DIPK1A: variants seen among roughly 807,000 people sequenced by gnomAD.
The protein encoded by DIPK1A is family with sequence similarity 69 member A.
Under a neutral mutation model 40.8 loss-of-function variants are expected in DIPK1A, and 27 were observed. The observed-to-expected ratio is 0.66, with a 90% CI of 0.49 to 0.91. DIPK1A has a LOEUF of 0.91. Among genes scored for constraint, DIPK1A ranks in the 40% least tolerant of loss-of-function variants. DIPK1A has a pLI of 0.00. For synonymous variants in DIPK1A, 166 were observed against 171.3 expected, an observed-to-expected ratio of 0.97 and a Z score of 0.24; for missense variants, 412 against 505.7, an observed-to-expected ratio of 0.81 and a Z score of 1.78.
chr1:92,879,091 G>A (rs1648259529), intron 1 of DIPK1A, among the ~76,000 whole-genome samples: 1 of 150,496 alleles, frequency 6.6e-6, no homozygotes, highest in Non-Finnish European at 1.5e-5. Context: ...AGGGTGAGAG[G>A]ATTGCTTGAG....
intron 4 of DIPK1A, chr1:92,834,791 C>A: frequency 6.2e-7 from 1 of 1,613,172 alleles, no homozygotes; most frequent in African/African-American, 1.3e-5. Context: ...TGCTTATGCC[C>A]GTATAGAGGG....
At chr1:92,941,983 C>CT (rs200959563) in intron 1 of DIPK1A, among the ~76,000 whole-genome samples, 3,432 of 148,918 alleles carry the variant, frequency 0.023, 113 homozygotes, top group African/African-American at 0.074. Flanking sequence ...GAGGGAGACT[C>CT]TGTCTCAAAA....
chr1:92,933,175 C>G (rs1557491043), intron 1 of DIPK1A: 1 of 151,618 alleles, frequency 6.6e-6, no homozygotes, highest in Non-Finnish European at 1.5e-5. Flanking sequence ...AACAAAAACC[C>G]CCAAAACCCA....
chr1:92,850,999 AC>A, intron 2 of DIPK1A, 44 bp from the exon 3 acceptor site: 1 of 1,244,872 alleles, frequency 8.0e-7, no homozygotes. Context: ...AAAAATATTC[AC>A]AAGAAGAAGC....
chr1:92,859,644 T>C (rs1405528876), intron 2 of DIPK1A, among the ~76,000 whole-genome samples: 2 of 152,212 alleles, frequency 1.3e-5, no homozygotes, highest in African/African-American at 2.4e-5. Flanking sequence ...TCTCCTTACT[T>C]TGATCAAGAT....
chr1:92,954,307 A>AAAT (rs1553136009), intron 1 of DIPK1A, among the ~76,000 whole-genome samples: 392 of 147,778 alleles, frequency 2.7e-3, no homozygotes, highest in Admixed American at 4.8e-3. Flanking sequence ...CACAAAAAAA[A>AAAT]AAATAAATAA....
At chr1:92,880,146 AG>A in intron 1 of DIPK1A, among the ~76,000 whole-genome samples, 1 of 152,354 alleles carries the variant, frequency 6.6e-6, no homozygotes, top group Non-Finnish European at 1.5e-5. Context: ...TGTACAATGT[AG>A]CCCCCCACAG....
intron 1 of DIPK1A, among the ~76,000 whole-genome samples, chr1:92,912,526 G>C (rs774315503): frequency 2.6e-5 from 4 of 151,976 alleles, no homozygotes; most frequent in Non-Finnish European, 5.9e-5. Context: ...TGAATATATA[G>C]GTGTAATTTT....
intron 1 of DIPK1A, among the ~76,000 whole-genome samples, chr1:92,959,834 G>A (rs1347481907): frequency 6.8e-6 from 1 of 148,090 alleles, no homozygotes; most frequent in African/African-American, 2.5e-5. Context: ...TGCAATCTCC[G>A]CTCCGGGGCT....
At chr1:92,939,367 G>A (rs1226440841) in intron 1 of DIPK1A, among the ~76,000 whole-genome samples, 1 of 151,980 alleles carries the variant, frequency 6.6e-6, no homozygotes, top group East Asian at 1.9e-4. Flanking sequence ...CTAGCTATAG[G>A]CCATTTTTGC....
intron 1 of DIPK1A, among the ~76,000 whole-genome samples, chr1:92,923,965 T>C (rs893494361): frequency 3.3e-5 from 5 of 152,222 alleles, no homozygotes; most frequent in African/African-American, 1.2e-4. Context: ...CCATGGAAAG[T>C]CTATCTCTAA....
At chr1:92,935,570 C>T (rs1347491146) in intron 1 of DIPK1A, among the ~76,000 whole-genome samples, 1 of 152,152 alleles carries the variant, frequency 6.6e-6, no homozygotes, top group Admixed American at 6.5e-5. Flanking sequence ...ATCCCTGCTA[C>T]TGACTAGCTG....
chr1:92,955,407 T>C (rs1651810693), intron 1 of DIPK1A, among the ~76,000 whole-genome samples: 1 of 151,976 alleles, frequency 6.6e-6, no homozygotes, highest in Non-Finnish European at 1.5e-5. Context: ...ATGTTAAATA[T>C]AGGGGAGGGG....
chr1:92,868,021 C>T (rs1647641097), intron 2 of DIPK1A, among the ~76,000 whole-genome samples: 2 of 152,116 alleles, frequency 1.3e-5, no homozygotes, highest in South Asian at 2.1e-4. Flanking sequence ...CTATGTTCAA[C>T]GGATATGTCA....
At chr1:92,919,922 C>CTTATCAAATAAAACTTATCAAA in intron 1 of DIPK1A, among the ~76,000 whole-genome samples, 1 of 152,324 alleles carries the variant, frequency 6.6e-6, no homozygotes, top group South Asian at 2.1e-4. Context: ...AAATGGAAAA[C>CTTATCAAATAAAACTTATCAAA]TGCCATTAAT....
rs1164611870 is a variant in DIPK1A, at chr1:92,861,353, G to A, written c.190-10398C>T. ...TTTTTTTTTTTTTTTTTGAGACAGG[G>A]TCTCACTCTGTCACCCAGGCTGGAG... On this transcript the variant is annotated intron_variant, in intron 2 of 4. Coordinates refer to ENST00000370310, the MANE Select transcript of DIPK1A (RefSeq NM_001006605.5). Among the ~76,000 whole-genome samples the A allele has an allele frequency of 3.4e-5, 4 of 119,070 alleles. No individual in the cohort carries two copies. The Admixed American group carries it at 4.2e-4, about 13-fold the overall frequency. 78.1% of individuals were successfully genotyped at this position (119,070 alleles called of 152,430 possible). A position where few individuals can be genotyped will look rare whatever the true frequency, so the allele number is the denominator to read the frequency against.
In DIPK1A at chr1:92,860,646, A is replaced by AAAAATAGCCAGGTG. The variant is rs148916481; in HGVS notation, c.190-9692_190-9691insCACCTGGCTATTTT. ...TTCTACTAAAAAAAAAAAAAAAAAA[A>AAAAATAGCCAGGTG]TGGTGGTGTGCACCTTAGTCCCAGC... is the stretch of plus-strand genomic sequence containing the variant. On this transcript the variant is annotated intron_variant, in intron 2 of 4. Transcript: ENST00000370310. Among the ~76,000 whole-genome samples the AAAAATAGCCAGGTG allele has an allele frequency of 1.3e-3, 137 of 105,214 alleles. 15 individuals carry two copies. The highest frequency in any genetic ancestry group is 4.7e-3 in the African/African-American group (126 of 26,772). 69.0% of individuals were successfully genotyped at this position (105,214 alleles called of 152,430 possible). A position where few individuals can be genotyped will look rare whatever the true frequency, so the allele number is the denominator to read the frequency against.
At chr1:92,947,140 A>C (rs975226017) in intron 1 of DIPK1A, among the ~76,000 whole-genome samples, 4 of 152,224 alleles carry the variant, frequency 2.6e-5, no homozygotes, top group Non-Finnish European at 5.9e-5. Context: ...TAACTTACAC[A>C]AAAATAAAAG....
At chr1:92,836,215 A>G in intron 4 of DIPK1A, 12 of 1,612,816 alleles carry the variant, frequency 7.4e-6, no homozygotes, top group Non-Finnish European at 9.3e-6. Flanking sequence ...GGCATGGACA[A>G]GATCTATGAA....
Sources: allele counts gnomAD v4.1 joint callset (sites outside exome capture counted in the v4.1 genomes callset), GRCh38; gene constraint gnomAD v4.1.1; transcripts MANE v1.5; gene names NCBI Gene and HGNC (gene_info 2026-07-23, HGNC 2026-07-21).